Variants in PDE8A observed in about 807,000 individuals in gnomAD.
PDE8A encodes the protein phosphodiesterase 8A, also known as high affinity cAMP-specific and IBMX-insensitive 3',5'-cyclic phosphodiesterase 8A.
Under a neutral mutation model 105.0 loss-of-function variants are expected in PDE8A, and 59 were observed. That is an observed-to-expected ratio of 0.56 (90% CI 0.46 to 0.70). The LOEUF is 0.70. Among genes scored for constraint, PDE8A ranks in the 30% least tolerant of loss-of-function variants. The pLI is 0.00. For synonymous variants in PDE8A, 355 were observed against 371.9 expected (o/e 0.95, Z 0.52); for missense variants, 1,014 against 1,045.9 (o/e 0.97, Z 0.42).
intron 11 of PDE8A, among the ~76,000 whole-genome samples, chr15:85,108,681 AT>A (rs561384771): frequency 3.3e-5 from 5 of 151,956 alleles, no homozygotes; most frequent in Non-Finnish European, 5.9e-5. Flanking sequence ...AAAATAAAAG[AT>A]TTTTTTTCTT....
intron 1 of PDE8A, among the ~76,000 whole-genome samples, chr15:84,996,568 T>G (rs1002070647): frequency 6.6e-6 from 1 of 152,054 alleles, no homozygotes; most frequent in Non-Finnish European, 1.5e-5. Flanking sequence ...CTCATGCCTG[T>G]AATCCCAGCA....
chr15:85,111,889 T>C (rs552791313), intron 12 of PDE8A, among the ~76,000 whole-genome samples: 1 of 152,368 alleles, frequency 6.6e-6, no homozygotes, highest in Admixed American at 6.5e-5. Flanking sequence ...GTAGAAATCA[T>C]ACAAATCTTT....
At position 85,057,929 on chromosome 15, in the gene PDE8A, A is replaced by C. The variant is rs369681432; in HGVS notation, c.187-6441A>C. 1.2e-3 allele frequency among the ~76,000 whole-genome samples: 188 copies of C among 152,134 alleles called. 2 individuals are homozygous for C. Among genetic ancestry groups the C allele is most frequent in the African/African-American group, 4.3e-3 (177 of 41,480 alleles). On this transcript the variant is annotated intron_variant, in intron 1 of 21. Transcript: ENST00000394553. ...GTATAATCCTTTTATTATGCTGCTG[A>C]ATTCAGTTTTCTAGTATTTTGTTGA...
intron 20 of PDE8A, among the ~76,000 whole-genome samples, chr15:85,130,009 G>A (rs1029024471): frequency 1.2e-4 from 18 of 152,170 alleles, no homozygotes; most frequent in African/African-American, 4.1e-4. Context: ...ATAAAGAAAA[G>A]TTTATTTTGG....
In PDE8A at chr15:85,034,789, G is replaced by A. The variant is rs138380386; in HGVS notation, c.187-29581G>A. On this transcript the variant is annotated intron_variant, in intron 1 of 21. Transcript: ENST00000394553. ...TCTTGAACTCCTCCTGGGTTCAAGT[G>A]AACCTCTCACCTTGGCTTCCCAAAG... 3.4e-3 allele frequency among the ~76,000 whole-genome samples: 519 copies of A among 152,282 alleles called. 8 individuals are homozygous for A. Among genetic ancestry groups the A allele is most frequent in the African/African-American group, 0.012 (496 of 41,552 alleles).
At chr15:85,113,581 C>T in intron 13 of PDE8A, 134 bp downstream of exon 13, 1 of 795,128 alleles carries the variant, frequency 1.3e-6, no homozygotes. Context: ...TAGTAGCCTC[C>T]TCTGAAGAGA....
At chr15:85,048,976 C>T (rs1418801707) in intron 1 of PDE8A, among the ~76,000 whole-genome samples, 1 of 152,116 alleles carries the variant, frequency 6.6e-6, no homozygotes, top group African/African-American at 2.4e-5. Context: ...GTGGCTCATG[C>T]CTGTAGTCCT....
intron 21 of PDE8A, among the ~76,000 whole-genome samples, chr15:85,137,401 G>C (rs560347222): frequency 6.6e-6 from 1 of 151,960 alleles, no homozygotes; most frequent in African/African-American, 2.4e-5. Context: ...GGAGATGCTG[G>C]TGTATGTGAA....
intron 1 of PDE8A, among the ~76,000 whole-genome samples, chr15:85,014,067 G>T (rs541481699): frequency 6.6e-6 from 1 of 152,262 alleles, no homozygotes; most frequent in Admixed American, 6.5e-5. Context: ...TACCAGCCTT[G>T]ATTCAGGGTG....
At position 85,067,107 on chromosome 15, in the gene PDE8A, G is replaced by A; in HGVS notation, c.337G>A (p.Ala113Thr). The A allele has an allele frequency of 6.2e-7, 1 of 1,612,742 alleles. No individual in the cohort carries two copies. The highest frequency in any genetic ancestry group is 8.5e-7 in the Non-Finnish European group (1 of 1,178,748). The change falls in exon 3 of 22, where the codon GCT (alanine) becomes ACT (threonine). Residue 113 changes from alanine (A) to threonine (T), a missense_variant. Coordinates refer to ENST00000394553, the MANE Select transcript of PDE8A (RefSeq NM_002605.3). ...AGFKCTVTKE[A>T]QAVLACFLDK... The stretch of plus-strand genomic sequence containing the variant: ...GTTTAAGTGTACAGTTACCAAGGAG[G>A]CTCAGGCTGTCCTTGCCTGTTTCCT...
At chr15:84,995,474 C>G (rs1160768896) in intron 1 of PDE8A, among the ~76,000 whole-genome samples, 2 of 152,130 alleles carry the variant, frequency 1.3e-5, no homozygotes, top group African/African-American at 4.8e-5. Context: ...CGCACCACCA[C>G]TCCTGGCTAA....
chr15:85,090,914 C>T lies in PDE8A; in HGVS notation c.715-130C>T, dbSNP rs943124512. The T allele has an allele frequency of 9.0e-5, 66 of 729,678 alleles. No homozygotes were observed. In the African/African-American group the frequency reaches 1.0e-3, roughly 11 times the overall value. 45.2% of individuals were successfully genotyped at this position (729,678 alleles called of 1,614,324 possible). ...TGTGCTTATGGCTTCACAACTGCCA[C>T]GGTGAGGTCCAGGCTCCTGAGCTTT... On this transcript the variant is annotated intron_variant, in intron 7 of 21. Transcript: ENST00000394553.
chr15:85,122,086 T>G (rs80082755), intron 18 of PDE8A, among the ~76,000 whole-genome samples: 4,373 of 152,276 alleles, frequency 0.029, 201 homozygotes, highest in African/African-American at 0.096. Context: ...TGTCTCTGTT[T>G]ACATGTCACT....
chr15:85,002,187 C>G (rs951158747), intron 1 of PDE8A, among the ~76,000 whole-genome samples: 1 of 152,044 alleles, frequency 6.6e-6, no homozygotes, highest in African/African-American at 2.4e-5. Context: ...GCTGCCCCCC[C>G]AGTTCAGATG....
intron 1 of PDE8A, among the ~76,000 whole-genome samples, chr15:84,998,469 T>G (rs2080014544): frequency 6.6e-6 from 1 of 152,218 alleles, no homozygotes; most frequent in Non-Finnish European, 1.5e-5. Flanking sequence ...TTTCTAAACT[T>G]GGATGTCATT....
At chr15:85,076,067 C>G (rs1273376316) in intron 4 of PDE8A, 149 bp downstream of exon 4, 1 of 529,672 alleles carries the variant, frequency 1.9e-6, no homozygotes, top group Non-Finnish European at 3.4e-6. Flanking sequence ...TATTTTGCTG[C>G]TTCAGTTAAC....
rs1427833748 is a variant in PDE8A at position 85,030,599 on chromosome 15, G to C, written c.187-33771G>C. ...GACCCAACTAGGCCCTCTGTCATCT[G>C]ACCCTGACCCCTCTGCAGCCTCATC... is the stretch of plus-strand genomic sequence containing the variant. On this transcript the variant is annotated intron_variant, in intron 1 of 21. Coordinates refer to ENST00000394553, the MANE Select transcript of PDE8A (RefSeq NM_002605.3). 2.6e-5 allele frequency among the ~76,000 whole-genome samples: 4 copies of C among 152,164 alleles called. No homozygotes were observed. In the East Asian group the frequency reaches 7.7e-4, roughly 29 times the overall value.
intron 1 of PDE8A, among the ~76,000 whole-genome samples, chr15:85,046,924 T>G (rs2080896348): frequency 6.6e-6 from 1 of 152,218 alleles, no homozygotes; most frequent in Non-Finnish European, 1.5e-5. Flanking sequence ...GTTTTACTTT[T>G]CAATATTAAA....
chr15:85,125,400 G>A (rs1272010663), intron 19 of PDE8A, among the ~76,000 whole-genome samples: 1 of 152,116 alleles, frequency 6.6e-6, no homozygotes, highest in African/African-American at 2.4e-5. Flanking sequence ...TCTCTTCAGA[G>A]AGCCTACAAA....
Sources: allele counts gnomAD v4.1 joint callset (sites outside exome capture counted in the v4.1 genomes callset), GRCh38; gene constraint gnomAD v4.1.1; transcripts MANE v1.5; gene names NCBI Gene and HGNC (gene_info 2026-07-23, HGNC 2026-07-21).